The following RAPGEF1 variants were observed in gnomAD, a reference collection of about 807,000 sequenced individuals.
RAPGEF1 encodes the protein Rap guanine nucleotide exchange factor 1.
In RAPGEF1, 33 loss-of-function variants were observed where a neutral mutation model predicts 143.3. The ratio of observed to expected loss-of-function variants is 0.23; its 90% CI spans 0.17 to 0.31. The LOEUF (loss-of-function observed/expected upper bound fraction) is 0.31. RAPGEF1 is among the 10% of genes least tolerant of loss of function. The pLI, the probability that RAPGEF1 is intolerant of heterozygous loss-of-function variation, is 1.00. For missense variants in RAPGEF1, 1,199 were observed against 1,645.4 expected (o/e 0.73, Z 4.69); for synonymous variants, 629 against 676.5 (o/e 0.93, Z 1.09).
At chr9:131,619,353 C>A in intron 11 of RAPGEF1, 147 bp from the exon 12 acceptor site, 1 of 666,594 alleles carries the variant, frequency 1.5e-6, no homozygotes, top group Non-Finnish European at 2.2e-6. Flanking sequence ...GGGCCCAGTT[C>A]AGGGACTAAA....
At chr9:131,592,839 C>G (rs933459764) in intron 17 of RAPGEF1, among the ~76,000 whole-genome samples, 6 of 152,330 alleles carry the variant, frequency 3.9e-5, no homozygotes, top group South Asian at 2.1e-4. Flanking sequence ...CCACCTCTGC[C>G]TCCTGGGTTC....
intron 12 of RAPGEF1, among the ~76,000 whole-genome samples, chr9:131,617,919 C>T (rs1181417362): frequency 6.6e-6 from 1 of 152,162 alleles, no homozygotes; most frequent in Non-Finnish European, 1.5e-5. Context: ...AGAATGGTGG[C>T]CATTTTGGTT....
At chr9:131,709,670 A>G (rs369140305) in intron 1 of RAPGEF1, 154 of 1,613,836 alleles carry the variant, frequency 9.5e-5, no homozygotes, top group Non-Finnish European at 1.2e-4. Context: ...CTGTTTTTCA[A>G]TAGCATTGCC....
At chr9:131,724,832 C>A (rs1836535980) in intron 1 of RAPGEF1, among the ~76,000 whole-genome samples, 1 of 152,240 alleles carries the variant, frequency 6.6e-6, no homozygotes, top group Admixed American at 6.5e-5. Context: ...AAGACGGCCT[C>A]ATCCTCCCAA....
intron 1 of RAPGEF1, among the ~76,000 whole-genome samples, chr9:131,687,858 C>T (rs771003203): frequency 1.3e-5 from 2 of 152,214 alleles, no homozygotes; most frequent in Non-Finnish European, 2.9e-5. Context: ...ACCTGTCAAT[C>T]TTGATACTCC....
At chr9:131,589,195 C>T (rs1953742236) in intron 19 of RAPGEF1, among the ~76,000 whole-genome samples, 1 of 152,230 alleles carries the variant, frequency 6.6e-6, no homozygotes, top group Admixed American at 6.5e-5. Context: ...ACCTGCCACA[C>T]ACTCAACAGC....
intron 1 of RAPGEF1, among the ~76,000 whole-genome samples, chr9:131,710,939 G>A (rs544902352): frequency 6.6e-6 from 1 of 152,120 alleles, no homozygotes; most frequent in Non-Finnish European, 1.5e-5. Context: ...CTGTTAACTG[G>A]GCATAATTCC....
At chr9:131,732,932 G>C (rs1456322531) in intron 1 of RAPGEF1, among the ~76,000 whole-genome samples, 1 of 152,094 alleles carries the variant, frequency 6.6e-6, no homozygotes, top group African/African-American at 2.4e-5. Context: ...AAGGAAACTG[G>C]GGCTTTGATT....
chr9:131,584,508 C>A lies in RAPGEF1; in HGVS notation c.3312+10G>T, dbSNP rs760909051. 7 of 1,613,938 alleles carry A rather than the reference C, an allele frequency of 4.3e-6. No individual in the cohort carries two copies. In the South Asian group the frequency reaches 6.6e-5, roughly 15 times the overall value. The stretch of plus-strand genomic sequence containing the variant: ...TGATGGGGGCCTGGGAAGGACTTGG[C>A]CACCATTACCTTCATGATCTTGATG... On this transcript the variant is annotated intron_variant, in intron 23 of 26. Transcript: ENST00000683357. This position sits in a 1 kb window ranked among gnomAD's most constrained non-coding sequence, Gnocchi z 6.8.
intron 14 of RAPGEF1, among the ~76,000 whole-genome samples, chr9:131,603,563 G>C (rs11243449): frequency 0.01 from 1,539 of 152,236 alleles, 27 homozygotes; most frequent in African/African-American, 0.035. Context: ...AGGTCTGAAA[G>C]GCCCTATGGG....
intron 3 of RAPGEF1, among the ~76,000 whole-genome samples, chr9:131,643,629 T>C (rs1049834538): frequency 1.3e-5 from 2 of 152,154 alleles, no homozygotes; most frequent in African/African-American, 4.8e-5. Flanking sequence ...CCAAGATAGC[T>C]CATTCAGAAA....
chr9:131,629,139 T>TG lies in RAPGEF1; in HGVS notation c.855dup (p.Lys286GlnfsTer11). 6.2e-7 allele frequency: 1 copy of TG among 1,613,888 alleles called. No individual in the cohort carries two copies. The highest frequency in any genetic ancestry group is 8.5e-7 in the Non-Finnish European group (1 of 1,179,850). ...ACCCGAATGCCAGGCAGAGGAGGCT[T>TG]GGGGGGCGCGACCTCTTCATCCGTG... On this transcript the variant is annotated frameshift_variant, in exon 7 of 27. Coordinates refer to ENST00000683357, the MANE Select transcript of RAPGEF1 (RefSeq NM_001377935.1). LOFTEE classifies it high-confidence loss of function.
At chr9:131,729,133 G>A (rs886294680) in intron 1 of RAPGEF1, among the ~76,000 whole-genome samples, 1 of 152,228 alleles carries the variant, frequency 6.6e-6, no homozygotes, top group Non-Finnish European at 1.5e-5. Context: ...ATCAGTGCAG[G>A]CCCAGGGGCC....
intron 3 of RAPGEF1, among the ~76,000 whole-genome samples, chr9:131,645,499 C>T (rs1969323705): frequency 6.6e-6 from 1 of 152,254 alleles, no homozygotes; most frequent in African/African-American, 2.4e-5. Context: ...CTGTCCTGGG[C>T]TCCTCCTAAA....
chr9:131,656,689 G>T (rs1362075111), intron 1 of RAPGEF1, among the ~76,000 whole-genome samples: 1 of 152,180 alleles, frequency 6.6e-6, no homozygotes, highest in Non-Finnish European at 1.5e-5. Context: ...TCATGACCAC[G>T]GCGGAACTGG....
At chr9:131,622,473 A>G (rs1295995214) in intron 10 of RAPGEF1, among the ~76,000 whole-genome samples, 1 of 152,208 alleles carries the variant, frequency 6.6e-6, no homozygotes, top group Admixed American at 6.5e-5. Flanking sequence ...AAATCAAGGA[A>G]GGCCAGACAC....
chr9:131,631,886 T>C (rs1964970414), intron 5 of RAPGEF1, among the ~76,000 whole-genome samples: 1 of 151,918 alleles, frequency 6.6e-6, no homozygotes, highest in African/African-American at 2.4e-5. Context: ...AATAGAAACT[T>C]CCAGACATGG....
intron 6 of RAPGEF1, among the ~76,000 whole-genome samples, 165 bp from the exon 7 acceptor site, chr9:131,629,419 TA>T (rs1470561579): frequency 6.6e-6 from 1 of 152,126 alleles, no homozygotes; most frequent in African/African-American, 2.4e-5. Flanking sequence ...GTTTGGTTGC[TA>T]ATGAGCTACT....
chr9:131,711,710 T>C (rs1389221898), intron 1 of RAPGEF1, among the ~76,000 whole-genome samples: 1 of 152,238 alleles, frequency 6.6e-6, no homozygotes. Flanking sequence ...AGGTGGCAGA[T>C]ATCTGGCTTC....
Sources: allele counts gnomAD v4.1 joint callset (sites outside exome capture counted in the v4.1 genomes callset), GRCh38; gene constraint gnomAD v4.1.1; non-coding constraint Gnocchi (gnomAD v3.1); transcripts MANE v1.5; gene names NCBI Gene and HGNC (gene_info 2026-07-23, HGNC 2026-07-21).